The following TBCE variants were observed in gnomAD, a reference collection of about 807,000 sequenced individuals.
TBCE encodes tubulin-specific chaperone E.
In TBCE, 53 loss-of-function variants were observed where a neutral mutation model predicts 77.0. The ratio of observed to expected loss-of-function variants is 0.69; its 90% CI spans 0.55 to 0.87. The LOEUF (loss-of-function observed/expected upper bound fraction) is 0.87. Among genes scored for constraint, TBCE ranks in the 40% least tolerant of loss-of-function variants. The pLI is 0.00. For synonymous variants in TBCE, 235 were observed against 241.3 expected (o/e 0.97, Z 0.24); for missense variants, 624 against 622.4 (o/e 1.00, Z -0.03).
chr1:235,425,477 A>T (rs189102396), intron 5 of TBCE, among the ~76,000 whole-genome samples: 49 of 152,012 alleles, frequency 3.2e-4, no homozygotes, highest in African/African-American at 1.0e-3. Flanking sequence ...CTTTTACTGG[A>T]TTTTTTTGTT....
chr1:235,404,104 C>T (rs1296304744), intron 3 of TBCE, among the ~76,000 whole-genome samples: 1 of 152,116 alleles, frequency 6.6e-6, no homozygotes, highest in Non-Finnish European at 1.5e-5. Context: ...TGATGAAACC[C>T]TATCTCTACT....
At chr1:235,440,118 C>G (rs1359868707) in intron 13 of TBCE, among the ~76,000 whole-genome samples, 3 of 152,024 alleles carry the variant, frequency 2.0e-5, no homozygotes, top group Non-Finnish European at 1.5e-5. Context: ...CTACAGGCGC[C>G]CACCACCACA....
In TBCE at chr1:235,436,526, T is replaced by C. The variant is rs1196776067; in HGVS notation, c.899-18T>C. 2 of 1,613,598 alleles carry C rather than the reference T, an allele frequency of 1.2e-6. No individual in the cohort carries two copies. The highest frequency in any genetic ancestry group is 2.2e-5 in the South Asian group (2 of 91,076). ...CTACTTTCACTTCTACTGTGTAACT[T>C]CATTCCTCTTTTTATAGGGTGCAAA... On this transcript the variant is annotated intron_variant, in intron 10 of 16. Transcript: ENST00000642610.
chr1:235,423,003 T>C (rs1680485390), intron 5 of TBCE, among the ~76,000 whole-genome samples: 1 of 152,182 alleles, frequency 6.6e-6, no homozygotes. Flanking sequence ...GATAATCAAG[T>C]CATGATTGGT....
At chr1:235,385,057 T>C (rs867614713) in intron 2 of TBCE, among the ~76,000 whole-genome samples, 3 of 152,158 alleles carry the variant, frequency 2.0e-5, no homozygotes, top group Non-Finnish European at 4.4e-5. Flanking sequence ...TTTATTTCTG[T>C]CTTCATTTCA....
intron 12 of TBCE, among the ~76,000 whole-genome samples, chr1:235,438,523 G>A (rs1312460654): frequency 6.7e-6 from 1 of 150,002 alleles, no homozygotes; most frequent in Non-Finnish European, 1.5e-5. Context: ...ACTCTAGCCT[G>A]GGCGACACAG....
chr1:235,404,288 AAAATT>A (rs200060681), intron 3 of TBCE, among the ~76,000 whole-genome samples: 43 of 113,588 alleles, frequency 3.8e-4, no homozygotes, highest in Non-Finnish European at 3.7e-4. Flanking sequence ...AGAAAAAAAA[AAAATT>A]AAGCAGTGTG....
chr1:235,418,530 G>A (rs1227183360), intron 4 of TBCE: 1 of 152,240 alleles, frequency 6.6e-6, no homozygotes, highest in Non-Finnish European at 1.5e-5. Context: ...CTGAAGCTGG[G>A]TGCGCTCTCT....
At chr1:235,436,659 C>T (rs1681468499) in intron 11 of TBCE, 51 bp downstream of exon 11, 1 of 1,520,448 alleles carries the variant, frequency 6.6e-7, no homozygotes, top group South Asian at 1.1e-5. Context: ...TTTCCACTCT[C>T]ATGGCAGAGT....
chr1:235,432,915 A>AT, intron 7 of TBCE: 1 of 987,158 alleles, frequency 1.0e-6, no homozygotes. Context: ...AATTTTTTGT[A>AT]ATTTTTTTTT....
At chr1:235,431,363 CTTTT>C (rs60208965) in intron 7 of TBCE, among the ~76,000 whole-genome samples, 1 of 141,276 alleles carries the variant, frequency 7.1e-6, no homozygotes. Flanking sequence ...ATTCCACTTT[CTTTT>C]TTTTTTTTTT....
rs1407496475 is a variant in TBCE at position 235,419,516 on chromosome 1, G to A, written c.415G>A (p.Val139Ile). ...LQEVSLRNCA[V>I]SCAGEKGGVA... Reference sequence around the variant, plus strand: ...AGAAGTTTCTCTGAGGAACTGTGCAGTAAGTTGTGCTGGTGAAAAAGGAGG... The same window carrying A: ...AGAAGTTTCTCTGAGGAACTGTGCAATAAGTTGTGCTGGTGAAAAAGGAGG... The change falls in exon 5 of 17, where the codon GTA becomes ATA. Residue 139 changes from valine to isoleucine, a missense_variant. Val to Ile is a conservative substitution (Grantham distance 29, BLOSUM62 3). Coordinates refer to ENST00000642610, the MANE Select transcript of TBCE (RefSeq NM_003193.5). 6.2e-7 allele frequency: 1 copy of A among 1,614,046 alleles called. No homozygotes were observed. Among genetic ancestry groups the A allele is most frequent in the East Asian group, 2.2e-5 (1 of 44,886 alleles).
chr1:235,406,820 G>A (rs367712226), intron 3 of TBCE, among the ~76,000 whole-genome samples: 46 of 137,066 alleles, frequency 3.4e-4, no homozygotes, highest in African/African-American at 1.2e-3. Context: ...ATAAGCCACT[G>A]CTCCTGGGCT....
At position 235,380,017 on chromosome 1, in the gene TBCE, A is replaced by T; in HGVS notation, c.-31-2A>T. On this transcript the variant is annotated splice_acceptor_variant, in intron 1 of 16. Transcript: ENST00000642610. LOFTEE classifies it low-confidence loss of function (5UTR_SPLICE). ...TTATCAGTGTTGTATTTTTCTTCCT[A>T]GATCTCATATTTTGGATTCTGGATA... 1 of 1,547,462 alleles carries T rather than the reference A, an allele frequency of 6.5e-7. No individual in the cohort carries two copies. The highest frequency in any genetic ancestry group is 8.9e-7 in the Non-Finnish European group (1 of 1,119,930).
At chr1:235,400,015 T>C (rs961006610) in intron 2 of TBCE, among the ~76,000 whole-genome samples, 1 of 152,230 alleles carries the variant, frequency 6.6e-6, no homozygotes, top group Non-Finnish European at 1.5e-5. Flanking sequence ...GCAGTAGTTA[T>C]TCATTTTTTA....
chr1:235,408,788 C>G (rs1352989724), intron 3 of TBCE, among the ~76,000 whole-genome samples: 1 of 152,070 alleles, frequency 6.6e-6, no homozygotes, highest in Non-Finnish European at 1.5e-5. Flanking sequence ...CTAAACATTC[C>G]TGAAACAAAC....
chr1:235,443,190 A>ATATTG (rs1682019044), intron 15 of TBCE, among the ~76,000 whole-genome samples: 1 of 150,056 alleles, frequency 6.7e-6, no homozygotes, highest in Admixed American at 6.8e-5. Context: ...ACACACATAT[A>ATATTG]TATATACACA....
At chr1:235,387,066 C>G (rs912794224) in intron 2 of TBCE, among the ~76,000 whole-genome samples, 18 of 152,218 alleles carry the variant, frequency 1.2e-4, no homozygotes, top group Non-Finnish European at 2.4e-4. Flanking sequence ...GAGGTCCACT[C>G]CAGACCGTTT....
chr1:235,445,661 T>C (rs958081244), intron 15 of TBCE, among the ~76,000 whole-genome samples: 18 of 151,808 alleles, frequency 1.2e-4, no homozygotes, highest in Admixed American at 6.6e-5. Flanking sequence ...AAAACAAAAC[T>C]GCAATATCTT....
Sources: allele counts gnomAD v4.1 joint callset (sites outside exome capture counted in the v4.1 genomes callset), GRCh38; gene constraint gnomAD v4.1.1; transcripts MANE v1.5; gene names NCBI Gene and HGNC (gene_info 2026-07-23, HGNC 2026-07-21).